ATP9B: variants seen among roughly 807,000 people sequenced by gnomAD.
The protein encoded by ATP9B is probable phospholipid-transporting ATPase IIB.
A neutral mutation model predicts 146.1 loss-of-function variants in ATP9B; 110 were observed. The ratio of observed to expected loss-of-function variants is 0.75; its 90% CI spans 0.65 to 0.88. The LOEUF (loss-of-function observed/expected upper bound fraction) is 0.88. Ranked by LOEUF, ATP9B falls within the 40% of genes least tolerant of loss-of-function variation. ATP9B has a pLI of 0.00. For missense variants in ATP9B, 1,499 were observed against 1,496.4 expected, an observed-to-expected ratio of 1.00 and a Z score of -0.03; for synonymous variants, 604 against 569.7, an observed-to-expected ratio of 1.06 and a Z score of -0.86.
intron 3 of ATP9B, among the ~76,000 whole-genome samples, chr18:79,112,862 G>C (rs1388753299): frequency 6.6e-6 from 1 of 151,958 alleles, no homozygotes; most frequent in Non-Finnish European, 1.5e-5. Context: ...ATATTTACTG[G>C]CTTGCTAACA....
At chr18:79,327,736 AGC>A in intron 15 of ATP9B, among the ~76,000 whole-genome samples, 2 of 126,464 alleles carry the variant, frequency 1.6e-5, no homozygotes, top group Admixed American at 8.3e-5. Flanking sequence ...CGCCGTGGTT[AGC>A]GTGCTCTCCG....
At chr18:79,142,329 A>T (rs2094523724) in intron 5 of ATP9B, among the ~76,000 whole-genome samples, 1 of 152,212 alleles carries the variant, frequency 6.6e-6, no homozygotes, top group Admixed American at 6.5e-5. Context: ...GTCAGAAAGG[A>T]TATGTTTTCT....
At chr18:79,319,334 T>C (rs2096701577) in intron 15 of ATP9B, among the ~76,000 whole-genome samples, 1 of 151,972 alleles carries the variant, frequency 6.6e-6, no homozygotes, top group South Asian at 2.1e-4. Flanking sequence ...GAAATGTGAG[T>C]GAATAGAGAG....
intron 11 of ATP9B, among the ~76,000 whole-genome samples, chr18:79,226,387 G>A (rs567814577): frequency 2.6e-5 from 4 of 152,314 alleles, no homozygotes; most frequent in East Asian, 1.9e-4. Context: ...CCACCACAGC[G>A]CATCCTGCCT....
At chr18:79,110,257 C>T in intron 2 of ATP9B, 98 bp from the exon 3 acceptor site, 1 of 1,222,982 alleles carries the variant, frequency 8.2e-7, no homozygotes, top group South Asian at 1.9e-5. Flanking sequence ...GTGGTGAATA[C>T]AGAAACAATC....
In ATP9B at chr18:79,069,496, CG is replaced by C; in HGVS notation, c.90del (p.Arg32GlyfsTer24). 1 of 1,465,990 alleles carries C rather than the reference CG, an allele frequency of 6.8e-7. No homozygotes were observed. The highest frequency in any genetic ancestry group is 9.0e-7 in the Non-Finnish European group (1 of 1,108,320). 90.8% of individuals were successfully genotyped at this position (1,465,990 alleles called of 1,614,324 possible). A position where few individuals can be genotyped will look rare whatever the true frequency, so the allele number is the denominator to read the frequency against. On this transcript the variant is annotated frameshift_variant, in exon 1 of 30. Coordinates refer to ENST00000426216, the MANE Select transcript of ATP9B (RefSeq NM_198531.5). LOFTEE classifies it high-confidence loss of function. The part of the protein sequence containing the change: ...NRKRAAYYSA[A>X]GPRPGADRHS... ...AAACGCGCGGCCTACTACAGCGCCG[CG>C]GGGCCCAGGCCGGGAGCCGACCGGC...
intron 12 of ATP9B, chr18:79,253,959 A>C (rs1345090510): frequency 1.3e-5 from 2 of 154,556 alleles, no homozygotes; most frequent in African/African-American, 4.8e-5. Flanking sequence ...TAAAATATTA[A>C]GGCTGTGTTT....
At chr18:79,168,489 T>C (rs1246792442) in intron 7 of ATP9B, among the ~76,000 whole-genome samples, 1 of 152,102 alleles carries the variant, frequency 6.6e-6, no homozygotes, top group Non-Finnish European at 1.5e-5. Flanking sequence ...ATAATGGGTT[T>C]GGAGTTAGAT....
intron 15 of ATP9B, among the ~76,000 whole-genome samples, chr18:79,316,400 C>A (rs369366229): frequency 6.6e-6 from 1 of 152,164 alleles, no homozygotes; most frequent in Admixed American, 6.6e-5. Flanking sequence ...GAATCTGAGC[C>A]GCACACCTGA....
chr18:79,141,375 G>A (rs1386655838), intron 5 of ATP9B, among the ~76,000 whole-genome samples: 1 of 152,108 alleles, frequency 6.6e-6, no homozygotes, highest in African/African-American at 2.4e-5. Flanking sequence ...GGGTCTGTCT[G>A]TATTAGTAGG....
chr18:79,273,373 GA>G (rs2096275752), intron 12 of ATP9B, among the ~76,000 whole-genome samples: 1 of 152,152 alleles, frequency 6.6e-6, no homozygotes, highest in Non-Finnish European at 1.5e-5. Context: ...AATATCCCAT[GA>G]AAAATGGAAA....
chr18:79,277,705 T>C (rs2096328552), intron 13 of ATP9B, among the ~76,000 whole-genome samples: 1 of 152,172 alleles, frequency 6.6e-6, no homozygotes, highest in Non-Finnish European at 1.5e-5. Flanking sequence ...AATTTTCTTC[T>C]TTTTTTCATC....
chr18:79,289,353 AT>A (rs1488910214), intron 13 of ATP9B, among the ~76,000 whole-genome samples: 1 of 151,656 alleles, frequency 6.6e-6, no homozygotes, highest in Non-Finnish European at 1.5e-5. Context: ...TTCTCACTTC[AT>A]TTCATTCATT....
intron 8 of ATP9B, among the ~76,000 whole-genome samples, chr18:79,183,380 T>G (rs1172701844): frequency 2.0e-5 from 3 of 152,196 alleles, no homozygotes; most frequent in Non-Finnish European, 4.4e-5. Context: ...AATCTTTCAC[T>G]GTTTTCCAAT....
chr18:79,118,384 G>GTTTTTTTTTTTTTTTT lies in ATP9B; in HGVS notation c.558+5035_558+5036insTTTTTTTTTTTTTTTT, dbSNP rs1304879263. Among the ~76,000 whole-genome samples the GTTTTTTTTTTTTTTTT allele has an allele frequency of 1.4e-4, 10 of 73,488 alleles. 3 individuals are homozygous for GTTTTTTTTTTTTTTTT. The highest frequency in any genetic ancestry group is 5.4e-4 in the African/African-American group (10 of 18,674). The allele number at this position is 73,488 out of a possible 152,430, so 48.2% of individuals were successfully genotyped here. On this transcript the variant is annotated intron_variant, in intron 4 of 29. Coordinates refer to ENST00000426216, the MANE Select transcript of ATP9B (RefSeq NM_198531.5). ...ATTTTAAAACACAATCATATTGAAC[G>GTTTTTTTTTTTTTTTT]TTTTTGTTTTTTTTTTTTTTTTTTT...
At chr18:79,310,461 G>C (rs2096646382) in intron 15 of ATP9B, among the ~76,000 whole-genome samples, 1 of 152,242 alleles carries the variant, frequency 6.6e-6, no homozygotes, top group South Asian at 2.1e-4. Flanking sequence ...TGGCTGCAGA[G>C]CTGACCAAGG....
chr18:79,308,128 A>G (rs951160054), intron 15 of ATP9B, among the ~76,000 whole-genome samples: 1 of 152,146 alleles, frequency 6.6e-6, no homozygotes, highest in African/African-American at 2.4e-5. Flanking sequence ...CAGCCAAGAG[A>G]CAAGACGCAA....
chr18:79,367,228 A>G, intron 26 of ATP9B, among the ~76,000 whole-genome samples: 1 of 128,944 alleles, frequency 7.8e-6, no homozygotes, highest in African/African-American at 3.0e-5. Flanking sequence ...CTCCTCAACC[A>G]GAGAGCACAC....
At chr18:79,296,470 G>A (rs2096548435) in intron 13 of ATP9B, among the ~76,000 whole-genome samples, 1 of 152,210 alleles carries the variant, frequency 6.6e-6, no homozygotes, top group African/African-American at 2.4e-5. Flanking sequence ...TACGCTAGCT[G>A]CACTTTGCAA....
Sources: allele counts gnomAD v4.1 joint callset (sites outside exome capture counted in the v4.1 genomes callset), GRCh38; gene constraint gnomAD v4.1.1; transcripts MANE v1.5; gene names NCBI Gene and HGNC (gene_info 2026-07-23, HGNC 2026-07-21).